Variants in WDR70 observed in about 807,000 individuals in gnomAD.
The protein encoded by WDR70 is WD repeat domain 70.
A neutral mutation model predicts 88.6 loss-of-function variants in WDR70; 53 were observed. That is an observed-to-expected ratio of 0.60 (90% CI 0.48 to 0.75). WDR70 has a LOEUF of 0.75. Ranked by LOEUF, WDR70 falls within the 30% of genes least tolerant of loss-of-function variation. The pLI is 0.00. For missense variants in WDR70, 610 were observed against 823.2 expected (o/e 0.74, Z 3.17); for synonymous variants, 280 against 270.0 (o/e 1.04, Z -0.36).
intron 5 of WDR70, among the ~76,000 whole-genome samples, chr5:37,408,338 A>G (rs4869504): frequency 0.97 from 148,097 of 152,180 alleles, 72,207 homozygotes; most frequent in East Asian, 1. Context: ...GCCAGGTGTC[A>G]TGGCACACGC....
At chr5:37,439,815 C>T (rs923673527) in intron 6 of WDR70, among the ~76,000 whole-genome samples, 15 of 151,944 alleles carry the variant, frequency 9.9e-5, no homozygotes, top group Non-Finnish European at 1.5e-4. Flanking sequence ...CCCCCGTCCC[C>T]ACCTTACAGG....
intron 13 of WDR70, among the ~76,000 whole-genome samples, chr5:37,719,359 C>CCAA (rs141634543): frequency 1.4e-5 from 2 of 147,728 alleles, no homozygotes; most frequent in African/African-American, 5.0e-5. Flanking sequence ...ACCCCCCCCC[C>CCAA]AAAAAATACC....
intron 17 of WDR70, among the ~76,000 whole-genome samples, chr5:37,739,366 G>A (rs1748400382): frequency 6.6e-6 from 1 of 152,162 alleles, no homozygotes; most frequent in Non-Finnish European, 1.5e-5. Context: ...TCCCTTTATA[G>A]GCTTTTGCTT....
At chr5:37,633,341 C>A (rs1222556198) in intron 10 of WDR70, among the ~76,000 whole-genome samples, 3 of 151,888 alleles carry the variant, frequency 2.0e-5, no homozygotes, top group African/African-American at 7.3e-5. Context: ...AGCCCATGTA[C>A]ATTGAAGGAA....
chr5:37,564,472 C>T (rs1372600795), intron 9 of WDR70, among the ~76,000 whole-genome samples: 1 of 151,678 alleles, frequency 6.6e-6, no homozygotes, highest in Admixed American at 6.6e-5. Flanking sequence ...GCCGAGATGG[C>T]AGCAGTACAG....
In WDR70 at chr5:37,715,282, G is replaced by T. The variant is rs190862362; in HGVS notation, c.1417-5833G>T. The stretch of plus-strand genomic sequence containing the variant: ...CTTTTCACCATTGCACTCCTATCTG[G>T]CCTATTAGAGAATTTTTCAGGATAG... On this transcript the variant is annotated intron_variant, in intron 13 of 17. Transcript: ENST00000265107. Among the ~76,000 whole-genome samples, 614 of 149,586 alleles carry T rather than the reference G, an allele frequency of 4.1e-3. 3 individuals are homozygous for T. The highest frequency in any genetic ancestry group is 6.8e-3 in the Non-Finnish European group (460 of 67,802).
At chr5:37,616,219 T>G (rs1161872210) in intron 10 of WDR70, among the ~76,000 whole-genome samples, 1 of 152,014 alleles carries the variant, frequency 6.6e-6, no homozygotes, top group African/African-American at 2.4e-5. Context: ...CAGATTCAAG[T>G]GATTCTCCCA....
chr5:37,408,390 C>T (rs931816679), intron 5 of WDR70, among the ~76,000 whole-genome samples: 1 of 152,128 alleles, frequency 6.6e-6, no homozygotes, highest in Non-Finnish European at 1.5e-5. Context: ...AGGAGAATCA[C>T]TTGAACCTGG....
At chr5:37,490,284 T>G (rs1740027530) in intron 8 of WDR70, among the ~76,000 whole-genome samples, 1 of 152,030 alleles carries the variant, frequency 6.6e-6, no homozygotes. Context: ...ATAGTGTCCT[T>G]GGGTGGTGGT....
intron 10 of WDR70, among the ~76,000 whole-genome samples, chr5:37,624,390 G>T (rs1744607543): frequency 6.6e-6 from 1 of 152,044 alleles, no homozygotes. Flanking sequence ...TTTTATGACC[G>T]AGTAGTATTC....
intron 8 of WDR70, among the ~76,000 whole-genome samples, chr5:37,507,460 T>C (rs1740596772): frequency 6.6e-6 from 1 of 152,220 alleles, no homozygotes; most frequent in Non-Finnish European, 1.5e-5. Flanking sequence ...AACTTATTCC[T>C]TCTAATTGTA....
intron 7 of WDR70, among the ~76,000 whole-genome samples, chr5:37,474,209 T>C (rs1277165647): frequency 6.6e-6 from 1 of 152,224 alleles, no homozygotes; most frequent in Non-Finnish European, 1.5e-5. Context: ...TGATTTTAGG[T>C]TTTTGACATT....
chr5:37,718,325 C>T (rs1030967157), intron 13 of WDR70, among the ~76,000 whole-genome samples: 1 of 152,116 alleles, frequency 6.6e-6, no homozygotes, highest in Non-Finnish European at 1.5e-5. Context: ...AACCTGCTGC[C>T]CCTGGAAACT....
intron 5 of WDR70, among the ~76,000 whole-genome samples, chr5:37,413,720 C>CAAA (rs746817084): frequency 8.3e-5 from 9 of 108,018 alleles, no homozygotes; most frequent in South Asian, 3.2e-4. Context: ...GACTCTGTCT[C>CAAA]AAAAAAAAAA....
chr5:37,570,093 G>A (rs1398652590), intron 9 of WDR70, among the ~76,000 whole-genome samples: 1 of 152,034 alleles, frequency 6.6e-6, no homozygotes, highest in Non-Finnish European at 1.5e-5. Flanking sequence ...AATTAGGAGG[G>A]CATTGCAGTA....
intron 9 of WDR70, among the ~76,000 whole-genome samples, chr5:37,533,172 A>G (rs1415475022): frequency 6.6e-6 from 1 of 152,078 alleles, no homozygotes; most frequent in African/African-American, 2.4e-5. Context: ...GTAGCAGGGG[A>G]GTGAAGTGGA....
chr5:37,403,679 A>T (rs1749268982), intron 5 of WDR70, among the ~76,000 whole-genome samples: 1 of 152,188 alleles, frequency 6.6e-6, no homozygotes, highest in South Asian at 2.1e-4. Context: ...TAATATTTTT[A>T]AAAAGAACCT....
At chr5:37,516,725 A>ATACATATATAT in intron 9 of WDR70, 135 bp downstream of exon 9, 1 of 127,108 alleles carries the variant, frequency 7.9e-6, no homozygotes. Flanking sequence ...ATATATATAT[A>ATACATATATAT]TTTTTTTTTT....
intron 9 of WDR70, among the ~76,000 whole-genome samples, chr5:37,601,152 C>T (rs1743870153): frequency 6.6e-6 from 1 of 152,152 alleles, no homozygotes; most frequent in Admixed American, 6.5e-5. Context: ...ATGATGTTAG[C>T]TGTGGGCTTA....
Sources: allele counts gnomAD v4.1 joint callset (sites outside exome capture counted in the v4.1 genomes callset), GRCh38; gene constraint gnomAD v4.1.1; transcripts MANE v1.5; gene names NCBI Gene and HGNC (gene_info 2026-07-23, HGNC 2026-07-21).